The following TRIM24 variants were observed in gnomAD, a reference collection of about 807,000 sequenced individuals.
TRIM24 encodes the protein tripartite motif containing 24, also known as transcription intermediary factor 1-alpha.
Under a neutral mutation model 123.9 loss-of-function variants are expected in TRIM24, and 29 were observed. The ratio of observed to expected loss-of-function variants is 0.23; its 90% CI spans 0.17 to 0.32. The LOEUF is 0.32. Among genes scored for constraint, TRIM24 ranks in the 10% least tolerant of loss-of-function variants. TRIM24 has a pLI of 1.00. For missense variants in TRIM24, 932 were observed against 1,295.3 expected, an observed-to-expected ratio of 0.72 and a Z score of 4.31; for synonymous variants, 456 against 461.1, an observed-to-expected ratio of 0.99 and a Z score of 0.14.
At chr7:138,510,048 A>G (rs1162560521) in intron 2 of TRIM24, among the ~76,000 whole-genome samples, 2 of 152,146 alleles carry the variant, frequency 1.3e-5, no homozygotes, top group Non-Finnish European at 2.9e-5. Context: ...AAAAACTGCA[A>G]ACTAGAGCTA....
intron 15 of TRIM24, 81 bp downstream of exon 15, chr7:138,579,613 TAAATG>T (rs1291213019): frequency 8.1e-7 from 1 of 1,232,882 alleles, no homozygotes; most frequent in Non-Finnish European, 1.1e-6. Context: ...TGAAAAAACT[TAAATG>T]AAATTCCACT....
intron 7 of TRIM24, among the ~76,000 whole-genome samples, chr7:138,549,807 A>G (rs1009045488): frequency 3.9e-5 from 6 of 152,184 alleles, no homozygotes; most frequent in Non-Finnish European, 7.3e-5. Context: ...TGGTGTTAAC[A>G]GAAGAGGGAT....
chr7:138,504,445 CTCTTTTTT>C, intron 2 of TRIM24, 37 bp downstream of exon 2: 1 of 311,378 alleles, frequency 3.2e-6, no homozygotes, highest in Non-Finnish European at 4.9e-6. Flanking sequence ...TGCCTGCCAG[CTCTTTTTT>C]TTTTTTTTTT....
At chr7:138,581,652 T>C (rs754125886) in intron 16 of TRIM24, 45 bp from the exon 17 acceptor site, 4 of 1,488,372 alleles carry the variant, frequency 2.7e-6, no homozygotes, top group Non-Finnish European at 3.7e-6. Flanking sequence ...TGTGAATTCA[T>C]TGTTTTATAA....
chr7:138,557,309 C>T (rs1019471680), intron 9 of TRIM24, among the ~76,000 whole-genome samples: 6 of 152,142 alleles, frequency 3.9e-5, no homozygotes, highest in Admixed American at 3.3e-4. Context: ...TTGATGCTCC[C>T]TGTAAATGAA....
intron 1 of TRIM24, among the ~76,000 whole-genome samples, chr7:138,496,581 G>A (rs1795910562): frequency 6.6e-6 from 1 of 152,134 alleles, no homozygotes; most frequent in African/African-American, 2.4e-5. Flanking sequence ...GTCTTTATCA[G>A]GTTGAAGAAG....
At chr7:138,533,067 T>C (rs889908807) in intron 6 of TRIM24, among the ~76,000 whole-genome samples, 6 of 152,262 alleles carry the variant, frequency 3.9e-5, no homozygotes, top group Non-Finnish European at 7.3e-5. Flanking sequence ...TGATTTTGTA[T>C]CCTGAGACTT....
At chr7:138,464,616 A>G (rs1795092773) in intron 1 of TRIM24, among the ~76,000 whole-genome samples, 1 of 152,094 alleles carries the variant, frequency 6.6e-6, no homozygotes, top group Admixed American at 6.6e-5. Flanking sequence ...AGTATTAGAT[A>G]TTGTCAACTA....
At chr7:138,507,485 C>G (rs376442119) in intron 2 of TRIM24, among the ~76,000 whole-genome samples, 1 of 151,520 alleles carries the variant, frequency 6.6e-6, no homozygotes, top group Non-Finnish European at 1.5e-5. Context: ...CCCACCATCA[C>G]GCCTGGCTAA....
At chr7:138,556,536 C>G (rs929822862) in intron 9 of TRIM24, 3 of 152,148 alleles carry the variant, frequency 2.0e-5, no homozygotes, top group African/African-American at 7.2e-5. Context: ...TTATTTGTCC[C>G]CTGTGAATGT....
At chr7:138,508,692 T>TGTGTGTGTGTGTGTGCGCGCGC (rs1422176564) in intron 2 of TRIM24, among the ~76,000 whole-genome samples, 4 of 137,214 alleles carry the variant, frequency 2.9e-5, no homozygotes, top group African/African-American at 1.1e-4. Flanking sequence ...TGTGTGTGTG[T>TGTGTGTGTGTGTGTGCGCGCGC]GCGCGCGCGT....
chr7:138,468,497 T>G (rs775085763), intron 1 of TRIM24, among the ~76,000 whole-genome samples: 2 of 152,188 alleles, frequency 1.3e-5, no homozygotes, highest in Non-Finnish European at 2.9e-5. Flanking sequence ...GAATGGTATA[T>G]TTTTCCCATG....
At chr7:138,553,529 C>G (rs1373618219) in intron 8 of TRIM24, among the ~76,000 whole-genome samples, 1 of 152,044 alleles carries the variant, frequency 6.6e-6, no homozygotes, top group Non-Finnish European at 1.5e-5. Flanking sequence ...CTGTTGAAAT[C>G]AAGCTTGATT....
At chr7:138,584,720 C>T (rs1274836483) in intron 18 of TRIM24, 22 bp from the exon 19 acceptor site, 14 of 1,560,804 alleles carry the variant, frequency 9.0e-6, no homozygotes, top group Non-Finnish European at 1.1e-5. Context: ...TTTTTTTACT[C>T]ATTTTTATTT....
intron 3 of TRIM24, among the ~76,000 whole-genome samples, chr7:138,517,108 A>G (rs1796415350): frequency 6.6e-6 from 1 of 151,730 alleles, no homozygotes; most frequent in African/African-American, 2.4e-5. Flanking sequence ...CTGTCTCCAA[A>G]AAAAAAAAAA....
chr7:138,509,356 C>T (rs947349571), intron 2 of TRIM24, among the ~76,000 whole-genome samples: 7 of 147,686 alleles, frequency 4.7e-5, no homozygotes, highest in Non-Finnish European at 7.4e-5. Flanking sequence ...AATTTATATG[C>T]GTAATATATA....
intron 7 of TRIM24, 147 bp downstream of exon 7, chr7:138,538,950 T>G (rs1796947585): frequency 3.0e-6 from 2 of 659,010 alleles, no homozygotes; most frequent in African/African-American, 3.7e-5. Flanking sequence ...TTTAATATTT[T>G]TACCTGGCAT....
intron 1 of TRIM24, among the ~76,000 whole-genome samples, chr7:138,500,243 T>A (rs1187991811): frequency 1.3e-5 from 2 of 152,052 alleles, no homozygotes; most frequent in African/African-American, 4.8e-5. Flanking sequence ...ACCCAAAAAC[T>A]TGAAACATTT....
chr7:138,519,234 A>G lies in TRIM24; in HGVS notation c.677A>G (p.His226Arg). 6.2e-7 allele frequency: 1 copy of G among 1,614,160 alleles called. No individual in the cohort carries two copies. The change falls in exon 4 of 19, where the codon CAT (histidine) becomes CGT (arginine). Residue 226 changes from histidine (H) to arginine (R), a missense_variant. Physicochemically the swap from His to Arg is conservative, Grantham distance 29 (BLOSUM62 0). Transcript: ENST00000343526. The stretch of plus-strand genomic sequence containing the variant: ...CAGCGACCAGTGTTTTGTCCTTTTC[A>G]TAAAAAGGAGCAGCTGAAGCTGTAC... ...TSQRPVFCPF[H>R]KKEQLKLYCE...
Sources: allele counts gnomAD v4.1 joint callset (sites outside exome capture counted in the v4.1 genomes callset), GRCh38; gene constraint gnomAD v4.1.1; transcripts MANE v1.5; gene names NCBI Gene and HGNC (gene_info 2026-07-23, HGNC 2026-07-21).